Variants in FOSL1 observed in about 807,000 individuals in gnomAD.
The protein encoded by FOSL1 is FOS like 1, AP-1 transcription factor subunit.
Under a neutral mutation model 24.9 loss-of-function variants are expected in FOSL1, and 14 were observed. That is an observed-to-expected ratio of 0.56 (90% confidence interval 0.37 to 0.88). The LOEUF (loss-of-function observed/expected upper bound fraction) is 0.88. Among genes scored for constraint, FOSL1 ranks in the 40% least tolerant of loss-of-function variants. The pLI is 0.00. For synonymous variants in FOSL1, 133 were observed against 145.1 expected (o/e 0.92, Z 0.60); for missense variants, 318 against 359.8 (o/e 0.88, Z 0.94).
Position 65,893,300 on chromosome 11 carries a change from T to C in FOSL1, c.406-4A>G, listed in dbSNP as rs753502901. ...CATCTTCCAGTTTGTCAGTCTCCTG[T>C]AGAAGATCAGGAGAGGAGTCAGAAA... is the stretch of plus-strand genomic sequence containing the variant. On this transcript the variant is annotated splice_region_variant and splice_polypyrimidine_tract_variant and intron_variant, in intron 3 of 3. Coordinates refer to ENST00000312562, the MANE Select transcript of FOSL1 (RefSeq NM_005438.5). 1.3e-6 allele frequency: 2 copies of C among 1,599,532 alleles called. No individual in the cohort carries two copies. The highest frequency in any genetic ancestry group is 1.7e-5 in the Admixed American group (1 of 59,098).
Position 65,897,024 on chromosome 11 carries a change from G to A in FOSL1, c.100-18C>T, listed in dbSNP as rs1565289609. On this transcript the variant is annotated intron_variant, in intron 1 of 3. Coordinates refer to ENST00000312562, the MANE Select transcript of FOSL1 (RefSeq NM_005438.5). ...TGGAACTTCTAAGGAATAAGAAATG[G>A]AAGGCCACAGATGAGGTCCGTGTGG... is the stretch of plus-strand genomic sequence containing the variant. 1.2e-6 allele frequency: 2 copies of A among 1,601,212 alleles called. No homozygotes were observed. The highest frequency in any genetic ancestry group is 2.2e-5 in the East Asian group (1 of 44,814).
chr11:65,900,027 G>C (rs936649209), intron 1 of FOSL1, among the ~76,000 whole-genome samples: 3 of 152,236 alleles, frequency 2.0e-5, no homozygotes, highest in African/African-American at 7.2e-5. Context: ...GAGGGAGAAG[G>C]GGGCGGCTGG....
intron 1 of FOSL1, 126 bp downstream of exon 1, chr11:65,900,115 C>A: frequency 2.2e-6 from 1 of 457,166 alleles, no homozygotes; most frequent in Non-Finnish European, 3.5e-6. Context: ...GGGCAGGATC[C>A]TCGCCCCAGC....
upstream of FOSL1, chr11:65,900,412 C>A: frequency 2.3e-6 from 2 of 877,614 alleles, no homozygotes; most frequent in Non-Finnish European, 3.0e-6. Flanking sequence ...GGAGTCTTTT[C>A]TTTTTATGAA....
At position 65,893,403 on chromosome 11, in the gene FOSL1, G is replaced by C. The variant is rs376885975; in HGVS notation, c.406-107C>G. The stretch of plus-strand genomic sequence containing the variant: ...GAGCTGGGGTTGGGCGGGGGGAGAG[G>C]GGGGGCAGTGGAGAGTCCCCAGCAA... On this transcript the variant is annotated intron_variant, in intron 3 of 3. Transcript: ENST00000312562. 8.1e-5 allele frequency: 63 copies of C among 773,228 alleles called. 1 individual carries two copies. The highest frequency in any genetic ancestry group is 4.2e-4 in the African/African-American group (17 of 40,320). 47.9% of individuals were successfully genotyped at this position (773,228 alleles called of 1,614,324 possible). A position where few individuals can be genotyped will look rare whatever the true frequency, so the allele number is the denominator to read the frequency against.
chr11:65,896,499 C>T (rs1038505179), intron 2 of FOSL1, among the ~76,000 whole-genome samples: 54 of 152,118 alleles, frequency 3.5e-4, no homozygotes, highest in African/African-American at 1.2e-3. Context: ...TTCTTGCCTC[C>T]GCCTCCATCC....
Position 65,900,276 on chromosome 11 carries a change from C to T in FOSL1, c.64G>A (p.Ala22Thr). The change falls in exon 1 of 4, where the codon GCG becomes ACG. Residue 22 changes from alanine (A) to threonine (T), a missense_variant. Transcript: ENST00000312562. Reference protein sequence around the residue: ...SGNGGGYGGPAQPPAAAQAAQ... With the variant: ...SGNGGGYGGPTQPPAAAQAAQ... ...GCCTGCGCTGCGGCCGGGGGCTGCG[C>T]GGGGCCGCCGTACCCGCCGCCGTTC... The T allele has an allele frequency of 3.2e-6, 4 of 1,244,444 alleles. No homozygotes were observed. Among genetic ancestry groups the T allele is most frequent in the Non-Finnish European group, 3.0e-6 (3 of 994,248 alleles). 77.1% of individuals were successfully genotyped at this position (1,244,444 alleles called of 1,614,324 possible).
At chr11:65,898,192 A>G (rs1860580385) in intron 1 of FOSL1, among the ~76,000 whole-genome samples, 1 of 151,338 alleles carries the variant, frequency 6.6e-6, no homozygotes, top group Non-Finnish European at 1.5e-5. Context: ...AGGCGCCCAC[A>G]ACTGTGCCCG....
At position 65,898,043 on chromosome 11, in the gene FOSL1, C is replaced by CCGTTTTTTTTTTT. The variant is rs1416098633; in HGVS notation, c.100-1038_100-1037insAAAAAAAAAAACG. ...ATTTGGCTAATTTTTTTTTTCTTTT[C>CCGTTTTTTTTTTT]TGTTTTTTTTTTTTTGAGACACAGT... is the stretch of plus-strand genomic sequence containing the variant. On this transcript the variant is annotated intron_variant, in intron 1 of 3. Coordinates refer to ENST00000312562, the MANE Select transcript of FOSL1 (RefSeq NM_005438.5). Among the ~76,000 whole-genome samples the CCGTTTTTTTTTTT allele has an allele frequency of 4.8e-4, 38 of 79,662 alleles. 10 individuals carry two copies. The highest frequency in any genetic ancestry group is 3.9e-4 in the South Asian group (1 of 2,576). 52.3% of individuals were successfully genotyped at this position (79,662 alleles called of 152,430 possible). A position where few individuals can be genotyped will look rare whatever the true frequency, so the allele number is the denominator to read the frequency against.
chr11:65,897,097 A>G, intron 1 of FOSL1, 91 bp from the exon 2 acceptor site: 1 of 945,302 alleles, frequency 1.1e-6, no homozygotes, highest in South Asian at 1.4e-5. Flanking sequence ...TCTACCTTCA[A>G]TGTACAGGCT....
Position 65,893,676 on chromosome 11 carries a change from A to G in FOSL1, c.405+338T>C, listed in dbSNP as rs1351494098. On this transcript the variant is annotated intron_variant, in intron 3 of 3. Transcript: ENST00000312562. ...TAGGGAGGCAGGCGCCTGTAGCCCC[A>G]GGTACTCAGCAGGCTGAGGCATAAG... Among the ~76,000 whole-genome samples the G allele has an allele frequency of 3.3e-5, 5 of 151,664 alleles. No homozygotes were observed. The East Asian group carries it at 9.7e-4, about 29-fold the overall frequency.
Position 65,896,836 on chromosome 11 carries a change from T to G in FOSL1, c.270A>C (p.Pro90=), listed in dbSNP as rs1452797650. ...PGVIRALGPP[P]GVRRRPCEQI... Reference sequence around the variant, plus strand: ...GTTCACAAGGCCTTCGACGTACCCCTGGAGGCGGCCCCAGGGCCCGGATGA... The same window carrying G: ...GTTCACAAGGCCTTCGACGTACCCCGGGAGGCGGCCCCAGGGCCCGGATGA... Residue 90 remains proline, a synonymous_variant, in exon 2 of 4, where the codon CCA becomes CCC. Transcript: ENST00000312562. The G allele has an allele frequency of 1.2e-6, 2 of 1,611,924 alleles. No homozygotes were observed. Among genetic ancestry groups the G allele is most frequent in the Non-Finnish European group, 1.7e-6 (2 of 1,178,600 alleles).
chr11:65,896,722 C>T, intron 2 of FOSL1, 87 bp downstream of exon 2: 1 of 1,158,552 alleles, frequency 8.6e-7, no homozygotes, highest in Non-Finnish European at 1.2e-6. Context: ...CCCTCCTAAG[C>T]CTGTGCTCTC....
At chr11:65,897,345 CTTTTTTTT>C (rs35205552) in intron 1 of FOSL1, among the ~76,000 whole-genome samples, 1 of 145,108 alleles carries the variant, frequency 6.9e-6, no homozygotes, top group Non-Finnish European at 1.5e-5. Context: ...TCTTTTTTTT[CTTTTTTTT>C]TTTTCAGATG....
At position 65,900,246 on chromosome 11, in the gene FOSL1, G is replaced by T; in HGVS notation, c.94C>A (p.Gln32Lys). Residue 32 changes from glutamine to lysine, a missense_variant, in exon 1 of 4, where the codon CAG becomes AAG. Coordinates refer to ENST00000312562, the MANE Select transcript of FOSL1 (RefSeq NM_005438.5). ...AQPPAAAQAA[Q>K]QKFHLVPSIN... is the part of the protein sequence containing the mutation. ...CGGCGTCGGGCCCCACTCACCTGCT[G>T]GGCTGCCTGCGCTGCGGCCGGGGGC... is the stretch of plus-strand genomic sequence containing the variant. 1 of 1,241,980 alleles carries T rather than the reference G, an allele frequency of 8.1e-7. No homozygotes were observed. Among genetic ancestry groups the T allele is most frequent in the Non-Finnish European group, 1.0e-6 (1 of 992,050 alleles). 76.9% of individuals were successfully genotyped at this position (1,241,980 alleles called of 1,614,324 possible). A position where few individuals can be genotyped will look rare whatever the true frequency, so the allele number is the denominator to read the frequency against.
chr11:65,896,344 T>A (rs1004090720), intron 2 of FOSL1, among the ~76,000 whole-genome samples: 1 of 152,092 alleles, frequency 6.6e-6, no homozygotes, highest in African/African-American at 2.4e-5. Flanking sequence ...TTTGTGAGGA[T>A]TAAATGAGAC....
Position 65,893,161 on chromosome 11 carries a change from C to T in FOSL1, c.541G>A (p.Gly181Arg), listed in dbSNP as rs747110169. ...ICKIPEGAKE[G>R]DTGSTSGTSS... ...GTGCCACTGGTACTGCCTGTGTCCC[C>T]CTCCTTGGCTCCTTCCGGGATTTTG... The change falls in exon 4 of 4, where the codon GGG becomes AGG. Residue 181 changes from glycine to arginine, a missense_variant. By Grantham distance (125) the Gly-to-Arg change is moderately radical. Coordinates refer to ENST00000312562, the MANE Select transcript of FOSL1 (RefSeq NM_005438.5). The T allele has an allele frequency of 1.9e-6, 3 of 1,613,514 alleles. No individual in the cohort carries two copies. In the African/African-American group the frequency reaches 4.0e-5, roughly 22 times the overall value.
At position 65,896,810 on chromosome 11, in the gene FOSL1, T is replaced by C; in HGVS notation, c.296A>G (p.Gln99Arg). Residue 99 changes from glutamine (Q) to arginine (R), a missense_variant and splice_region_variant, in exon 2 of 4, where the codon CAG becomes CGG. Transcript: ENST00000312562. Reference protein sequence around the residue: ...PPGVRRRPCEQISPEEEERRR... With the variant: ...PPGVRRRPCERISPEEEERRR... ...CACTGCAATGCCTCTGTGCCTTACC[T>C]GTTCACAAGGCCTTCGACGTACCCC... 6.2e-7 allele frequency: 1 copy of C among 1,602,286 alleles called. No homozygotes were observed. Among genetic ancestry groups the C allele is most frequent in the Non-Finnish European group, 8.5e-7 (1 of 1,172,972 alleles).
chr11:65,893,629 A>G (rs1410778979), intron 3 of FOSL1, among the ~76,000 whole-genome samples: 1 of 152,092 alleles, frequency 6.6e-6, no homozygotes, highest in Non-Finnish European at 1.5e-5. Context: ...CGTCTCTACT[A>G]AAAATACAAA....
Sources: allele counts gnomAD v4.1 joint callset (sites outside exome capture counted in the v4.1 genomes callset), GRCh38; gene constraint gnomAD v4.1.1; transcripts MANE v1.5; gene names NCBI Gene and HGNC (gene_info 2026-07-23, HGNC 2026-07-21).